PDE3A: variants seen among roughly 807,000 people sequenced by gnomAD.
PDE3A encodes cGMP-inhibited 3',5'-cyclic phosphodiesterase 3A.
Under a neutral mutation model 98.3 loss-of-function variants are expected in PDE3A, and 43 were observed. The observed-to-expected ratio is 0.44, with a 90% CI of 0.34 to 0.56. The LOEUF (loss-of-function observed/expected upper bound fraction) is 0.56. PDE3A is among the 20% of genes least tolerant of loss of function. The pLI, the probability that PDE3A is intolerant of heterozygous loss-of-function variation, is 0.01. For missense variants in PDE3A, 1,427 were observed against 1,440.7 expected (o/e 0.99, Z 0.15); for synonymous variants, 663 against 567.9 (o/e 1.17, Z -2.38).
chr12:20,571,614 C>G (rs141647253), intron 2 of PDE3A, among the ~76,000 whole-genome samples: 2,439 of 152,226 alleles, frequency 0.016, 29 homozygotes, highest in African/African-American at 0.026. Flanking sequence ...TATCTTACCT[C>G]TCTGTCTAAA....
chr12:20,488,186 C>A (rs1945764391), intron 1 of PDE3A, among the ~76,000 whole-genome samples: 1 of 152,084 alleles, frequency 6.6e-6, no homozygotes, highest in African/African-American at 2.4e-5. Context: ...CAGTCAACCT[C>A]TCTCTTTTTC....
intron 1 of PDE3A, among the ~76,000 whole-genome samples, chr12:20,491,126 C>T (rs767972029): frequency 2.0e-5 from 3 of 152,096 alleles, no homozygotes; most frequent in Non-Finnish European, 2.9e-5. Flanking sequence ...TCTTTTCAGT[C>T]CAAGAAGATC....
intron 2 of PDE3A, among the ~76,000 whole-genome samples, chr12:20,575,162 T>TA (rs1942900490): frequency 6.6e-6 from 1 of 152,094 alleles, no homozygotes; most frequent in South Asian, 2.1e-4. Flanking sequence ...GTGGGAATAG[T>TA]AATTTTGATG....
chr12:20,582,952 T>A (rs951408721), intron 2 of PDE3A, among the ~76,000 whole-genome samples: 1 of 152,198 alleles, frequency 6.6e-6, no homozygotes, highest in Non-Finnish European at 1.5e-5. Flanking sequence ...ACCCCTCAAA[T>A]GAACTCTTGA....
At chr12:20,557,283 GC>G (rs1360691391) in intron 2 of PDE3A, 1 of 152,964 alleles carries the variant, frequency 6.5e-6, no homozygotes, top group African/African-American at 2.4e-5. Flanking sequence ...ACGCATTTAT[GC>G]TTTTTAATGA....
chr12:20,369,844 C>T lies in PDE3A; in HGVS notation c.560C>T (p.Ser187Leu). 2 of 1,611,880 alleles carry T rather than the reference C, an allele frequency of 1.2e-6. No individual in the cohort carries two copies. Among genetic ancestry groups the T allele is most frequent in the Non-Finnish European group, 1.7e-6 (2 of 1,179,378 alleles). ...GGCGTCGGGGAGGATCACTTACTCT[C>T]ACTCCCCGCCGCGGGGGTGGTGCTC... ...GLGVGEDHLL[S>L]LPAAGVVLSC... Residue 187 changes from serine to leucine, a missense_variant, in exon 1 of 16, where the codon TCA becomes TTA. Physicochemically the swap from Ser to Leu is moderately radical, Grantham distance 145. Around this residue, in one of 3 missense-constraint regions of PDE3A, gnomAD observed 1,012 missense variants for 886.5 expected, o/e 1.14. Transcript: ENST00000359062.
At chr12:20,426,811 G>A (rs201489606) in intron 1 of PDE3A, among the ~76,000 whole-genome samples, 2 of 152,142 alleles carry the variant, frequency 1.3e-5, no homozygotes, top group Non-Finnish European at 1.5e-5. Context: ...GTATATGGCC[G>A]AAGCTTACAT....
chr12:20,476,761 C>A (rs1945538177), intron 1 of PDE3A, among the ~76,000 whole-genome samples: 1 of 152,082 alleles, frequency 6.6e-6, no homozygotes, highest in Non-Finnish European at 1.5e-5. Flanking sequence ...AAAGGCCTTG[C>A]CCAAAGAGCA....
intron 15 of PDE3A, among the ~76,000 whole-genome samples, chr12:20,667,196 A>G (rs887905673): frequency 1.3e-5 from 2 of 152,050 alleles, no homozygotes; most frequent in African/African-American, 2.4e-5. Flanking sequence ...TGTATGAACA[A>G]TTTGCATATA....
intron 1 of PDE3A, among the ~76,000 whole-genome samples, chr12:20,421,229 C>G (rs1040035227): frequency 1.3e-5 from 2 of 152,068 alleles, no homozygotes; most frequent in African/African-American, 4.8e-5. Flanking sequence ...ATTTGTATAT[C>G]TTTCTAATTT....
intron 1 of PDE3A, among the ~76,000 whole-genome samples, chr12:20,403,556 A>G (rs1041659003): frequency 1.6e-4 from 24 of 152,128 alleles, no homozygotes; most frequent in Non-Finnish European, 2.1e-4. Flanking sequence ...CCTTTTCTCC[A>G]TTACAATAAA....
In PDE3A at chr12:20,680,869, T is replaced by TGTGA. The variant is rs1294463464; in HGVS notation, c.*599_*600insTGAG. The TGTGA allele has an allele frequency of 1.4e-5, 2 of 138,832 alleles. No individual in the cohort carries two copies. Among genetic ancestry groups the TGTGA allele is most frequent in the African/African-American group, 5.4e-5 (2 of 37,042 alleles). 8.6% of individuals were successfully genotyped at this position (138,832 alleles called of 1,614,324 possible). On this transcript the variant is annotated 3_prime_UTR_variant, in exon 16 of 16. Transcript: ENST00000359062. The stretch of plus-strand genomic sequence containing the variant: ...GTGTGTGTGTGTGTGTGTGTGTGTG[T>TGTGA]GAAAGAGAGACAGAAGGGAATGGTT...
chr12:20,589,401 T>G (rs1236349169), intron 2 of PDE3A, among the ~76,000 whole-genome samples: 1 of 152,142 alleles, frequency 6.6e-6, no homozygotes, highest in African/African-American at 2.4e-5. Flanking sequence ...ATATTAAGGG[T>G]GACCTAAGCT....
chr12:20,480,494 A>G (rs1325696399), intron 1 of PDE3A, among the ~76,000 whole-genome samples: 1 of 152,180 alleles, frequency 6.6e-6, no homozygotes, highest in Non-Finnish European at 1.5e-5. Flanking sequence ...ACTTTTTCTA[A>G]AAATGTTATT....
At chr12:20,578,030 C>T (rs1395371489) in intron 2 of PDE3A, among the ~76,000 whole-genome samples, 1 of 151,972 alleles carries the variant, frequency 6.6e-6, no homozygotes, top group Non-Finnish European at 1.5e-5. Flanking sequence ...GTTACATGTT[C>T]CAGGGAGAAA....
chr12:20,678,523 A>G (rs1472190937), intron 15 of PDE3A, among the ~76,000 whole-genome samples: 1 of 152,136 alleles, frequency 6.6e-6, no homozygotes, highest in Non-Finnish European at 1.5e-5. Context: ...GAATGAGTAT[A>G]TACAAAAAGA....
chr12:20,421,745 G>T (rs1944515358), intron 1 of PDE3A, among the ~76,000 whole-genome samples: 1 of 152,146 alleles, frequency 6.6e-6, no homozygotes, highest in Non-Finnish European at 1.5e-5. Flanking sequence ...CCTGAGAGTG[G>T]TATTCAGGTT....
At chr12:20,641,165 T>C (rs947094436) in intron 10 of PDE3A, among the ~76,000 whole-genome samples, 3 of 129,428 alleles carry the variant, frequency 2.3e-5, no homozygotes, top group South Asian at 2.4e-4. Flanking sequence ...TAGTGTATCA[T>C]AGAAAAAGAG....
At chr12:20,581,265 T>A (rs1468534121) in intron 2 of PDE3A, among the ~76,000 whole-genome samples, 1 of 152,224 alleles carries the variant, frequency 6.6e-6, no homozygotes, top group Non-Finnish European at 1.5e-5. Context: ...AACAGAAGGC[T>A]TATTGCCCCA....
Sources: gnomAD v4.1 joint callset for allele counts (sites outside exome capture counted in the v4.1 genomes callset) on GRCh38, gnomAD v4.1.1 for gene constraint, gnomAD v4.1.1 regional missense constraint, MANE v1.5 for transcripts, NCBI Gene and HGNC (gene_info 2026-07-23, HGNC 2026-07-21) for gene names.